SLC8A3: variants seen among roughly 807,000 people sequenced by gnomAD.
SLC8A3 encodes solute carrier family 8 member A3.
SLC8A3 carries 37 observed loss-of-function variants against 65.4 expected under a neutral mutation model. That is an observed-to-expected ratio of 0.57 (90% CI 0.44 to 0.74). SLC8A3 has a LOEUF of 0.74. Among genes scored for constraint, SLC8A3 ranks in the 30% least tolerant of loss-of-function variants. The probability of loss-of-function intolerance (pLI) is 0.00; values close to 1 mark genes in which losing one functional copy is unlikely to be tolerated. For missense variants in SLC8A3, 1,112 were observed against 1,172.1 expected (o/e 0.95, Z 0.75); for synonymous variants, 461 against 444.5 (o/e 1.04, Z -0.47).
intron 1 of SLC8A3, among the ~76,000 whole-genome samples, chr14:70,171,500 G>T (rs1056932327): frequency 2.0e-5 from 3 of 152,108 alleles, no homozygotes; most frequent in African/African-American, 4.8e-5. Context: ...TGAAGGAAAA[G>T]ATTAAAGAAA....
intron 5 of SLC8A3, 83 bp from the exon 6 acceptor site, chr14:70,049,125 C>T: frequency 7.4e-7 from 1 of 1,343,594 alleles, no homozygotes. Context: ...ACCCGCACCA[C>T]AGGCATCATC....
intron 2 of SLC8A3, among the ~76,000 whole-genome samples, chr14:70,119,939 C>G (rs1034570099): frequency 1.7e-4 from 26 of 152,212 alleles, no homozygotes; most frequent in Admixed American, 1.6e-3. Context: ...TTCCCAGATG[C>G]CTTTGCATCT....
At chr14:70,073,632 G>T (rs867327941) in intron 2 of SLC8A3, among the ~76,000 whole-genome samples, 12 of 152,142 alleles carry the variant, frequency 7.9e-5, no homozygotes, top group Middle Eastern at 3.2e-3. Flanking sequence ...AGAACAAGTG[G>T]CTGGTTATCT....
intron 2 of SLC8A3, among the ~76,000 whole-genome samples, chr14:70,120,041 C>T (rs1402082623): frequency 6.6e-6 from 1 of 152,130 alleles, no homozygotes; most frequent in Non-Finnish European, 1.5e-5. Flanking sequence ...TGACAAGTGC[C>T]AAACCTCCCC....
intron 2 of SLC8A3, among the ~76,000 whole-genome samples, chr14:70,113,939 G>A (rs530153678): frequency 6.6e-5 from 10 of 152,060 alleles, no homozygotes; most frequent in Non-Finnish European, 1.2e-4. Context: ...AGGTGTTCAC[G>A]GAATTTTCTT....
rs370776430 is a variant in SLC8A3, at chr14:70,172,024, A to G, written c.-62-3540T>C. ...TGCAATTGCCCCGGCCCAGACACCA[A>G]TTGAGATAGATCCCAACATCTTGGG... On this transcript the variant is annotated intron_variant, in intron 1 of 6. Coordinates refer to ENST00000356921, the MANE Select transcript of SLC8A3 (RefSeq NM_182932.3). 6.7e-4 allele frequency among the ~76,000 whole-genome samples: 102 copies of G among 152,234 alleles called. 1 individual carries two copies. In the East Asian group the frequency reaches 0.019, roughly 29 times the overall value.
chr14:70,163,184 C>T (rs1896981612), intron 2 of SLC8A3, among the ~76,000 whole-genome samples: 1 of 152,188 alleles, frequency 6.6e-6, no homozygotes, highest in Non-Finnish European at 1.5e-5. Context: ...GCATTTTTCT[C>T]ATACTTATAT....
At chr14:70,072,624 T>C (rs1166978077) in intron 2 of SLC8A3, among the ~76,000 whole-genome samples, 1 of 151,780 alleles carries the variant, frequency 6.6e-6, no homozygotes, top group Non-Finnish European at 1.5e-5. Context: ...CATCCATCCA[T>C]CCATCCATCT....
Position 70,048,807 on chromosome 14 carries a change from G to A in SLC8A3, c.2349C>T (p.Val783=). 6.2e-7 allele frequency: 1 copy of A among 1,614,074 alleles called. No individual in the cohort carries two copies. Among genetic ancestry groups the A allele is most frequent in the Non-Finnish European group, 8.5e-7 (1 of 1,180,004 alleles). The change falls in exon 6 of 7, where the codon GTC becomes GTT. Residue 783 remains valine, a synonymous_variant. Transcript: ENST00000356921. ...FGCTIGLKDS[V]TAVVFVAFGT... is the part of the protein sequence containing the mutation. ...CAAATGCCACGAAAACAACAGCTGT[G>A]ACTGAATCTTTGAGACCAATGGTGC...
chr14:70,158,613 C>T (rs947137195), intron 2 of SLC8A3, among the ~76,000 whole-genome samples: 1 of 152,210 alleles, frequency 6.6e-6, no homozygotes, highest in Non-Finnish European at 1.5e-5. Context: ...CAAAAGGTAA[C>T]TGAATTGGGT....
rs182889462 is a variant in SLC8A3, at chr14:70,162,164, C to G, written c.1784+4475G>C. 3.5e-3 allele frequency among the ~76,000 whole-genome samples: 530 copies of G among 152,304 alleles called. 3 individuals carry two copies. The highest frequency in any genetic ancestry group is 0.01 in the Middle Eastern group (3 of 294). On this transcript the variant is annotated intron_variant, in intron 2 of 6. Coordinates refer to ENST00000356921, the MANE Select transcript of SLC8A3 (RefSeq NM_182932.3). Reference sequence around the variant, plus strand: ...TCCCGGACTCACACTTCCAGAGCATCTTTTACCCAAGAATTGCCATATTCT... The same window carrying G: ...TCCCGGACTCACACTTCCAGAGCATGTTTTACCCAAGAATTGCCATATTCT...
At chr14:70,076,649 A>C (rs1385443216) in intron 2 of SLC8A3, among the ~76,000 whole-genome samples, 2 of 152,190 alleles carry the variant, frequency 1.3e-5, no homozygotes, top group African/African-American at 4.8e-5. Flanking sequence ...TACTCTTAGG[A>C]AAAGTTCACC....
At position 70,059,850 on chromosome 14, in the gene SLC8A3, G is replaced by A. The variant is rs141954891; in HGVS notation, c.1888+986C>T. ...GAAAATCCACAAGTCAACACTCCAGGCCTGCCCAATGTCAGTCCTTTTCTG... is the reference window on the plus strand; with the variant it reads ...GAAAATCCACAAGTCAACACTCCAGACCTGCCCAATGTCAGTCCTTTTCTG... On this transcript the variant is annotated intron_variant, in intron 3 of 6. Coordinates refer to ENST00000356921, the MANE Select transcript of SLC8A3 (RefSeq NM_182932.3). 1.3e-4 allele frequency among the ~76,000 whole-genome samples: 20 copies of A among 152,200 alleles called. No homozygotes were observed. The East Asian group carries it at 3.9e-3, about 29-fold the overall frequency.
At chr14:70,096,280 C>T (rs1892171950) in intron 2 of SLC8A3, among the ~76,000 whole-genome samples, 1 of 152,202 alleles carries the variant, frequency 6.6e-6, no homozygotes, top group Non-Finnish European at 1.5e-5. Context: ...GCATCCACTT[C>T]CTACCCTGTG....
At chr14:70,135,485 A>G (rs1369506874) in intron 2 of SLC8A3, among the ~76,000 whole-genome samples, 1 of 152,254 alleles carries the variant, frequency 6.6e-6, no homozygotes, top group Non-Finnish European at 1.5e-5. Context: ...ATATGGAATC[A>G]ACCTAAATAT....
At position 70,104,084 on chromosome 14, in the gene SLC8A3, C is replaced by A. The variant is rs539635623; in HGVS notation, c.1785-43145G>T. On this transcript the variant is annotated intron_variant, in intron 2 of 6. Transcript: ENST00000356921. ...ACGGAACCAATTCATCAGGAAGATA[C>A]AACAATCATGAATGTATGTGTTTAA... 6.1e-3 allele frequency among the ~76,000 whole-genome samples: 929 copies of A among 151,970 alleles called. 7 individuals are homozygous for A. Among genetic ancestry groups the A allele is most frequent in the Middle Eastern group, 0.02 (6 of 294 alleles).
chr14:70,075,931 G>A (rs1437920187), intron 2 of SLC8A3, among the ~76,000 whole-genome samples: 2 of 152,138 alleles, frequency 1.3e-5, no homozygotes, highest in African/African-American at 2.4e-5. Context: ...AGGTCTGGGT[G>A]GGGCCTGAGA....
chr14:70,051,056 T>C lies in SLC8A3; in HGVS notation c.2065A>G (p.Thr689Ala). ...KKTNLALVVG[T>A]HSWRDQFMEA... is the part of the protein sequence containing the mutation. ...ATGAACTGGTCCCTCCAGGAATGGG[T>C]CCCCACAACCAAGGCCAGGTTTGTC... is the stretch of plus-strand genomic sequence containing the variant. The change falls in exon 5 of 7, where the codon ACC becomes GCC. Residue 689 changes from threonine to alanine, a missense_variant. By Grantham distance (58) the Thr-to-Ala change is moderately conservative. Transcript: ENST00000356921. The C allele has an allele frequency of 1.2e-6, 2 of 1,613,664 alleles. No homozygotes were observed. Among genetic ancestry groups the C allele is most frequent in the South Asian group, 1.1e-5 (1 of 91,062 alleles).
intron 2 of SLC8A3, among the ~76,000 whole-genome samples, chr14:70,119,962 A>G (rs1360032442): frequency 1.3e-5 from 2 of 152,238 alleles, no homozygotes; most frequent in Non-Finnish European, 2.9e-5. Context: ...GTTGGGCCAC[A>G]TGACTGAATG....
Sources: gnomAD v4.1 joint callset for allele counts (sites outside exome capture counted in the v4.1 genomes callset) on GRCh38, gnomAD v4.1.1 for gene constraint, MANE v1.5 for transcripts, NCBI Gene and HGNC (gene_info 2026-07-23, HGNC 2026-07-21) for gene names.